The following CDK16 variants were observed in gnomAD, a reference collection of about 807,000 sequenced individuals.
CDK16 encodes cyclin-dependent kinase 16.
In CDK16, 2 loss-of-function variants were observed where a neutral mutation model predicts 41.6. The observed-to-expected ratio is 0.05, with a 90% CI of 0.02 to 0.15. The LOEUF is 0.15. Among genes scored for constraint, CDK16 ranks in the 10% least tolerant of loss-of-function variants. The probability of loss-of-function intolerance (pLI) is 1.00; values close to 1 mark genes in which losing one functional copy is unlikely to be tolerated. For synonymous variants in CDK16, 169 were observed against 169.7 expected, an observed-to-expected ratio of 1.00 and a Z score of 0.03; for missense variants, 228 against 428.9, an observed-to-expected ratio of 0.53 and a Z score of 4.14.
At position 47,223,646 on chromosome X, in the gene CDK16, A is replaced by T. The variant is rs745553260; in HGVS notation, c.89A>T (p.Gln30Leu). The change falls in exon 2 of 16, where the codon CAG becomes CTG. Residue 30 changes from glutamine (Q) to leucine (L), a missense_variant. Gln to Leu is a moderately radical substitution (Grantham distance 113). This residue lies in a region of CDK16 where 71 missense variants were observed against 102.2 expected (regional missense o/e 0.69). Coordinates refer to ENST00000357227, the MANE Select transcript of CDK16 (RefSeq NM_006201.5). ...GACAAGACCAATGGTGCCCCTGAGC[A>T]GATAGGCCTGGATGAGAGTGGTGGT... is the stretch of plus-strand genomic sequence containing the variant. ...GIDKTNGAPE[Q>L]IGLDESGGGG... is the part of the protein sequence containing the mutation. The T allele has an allele frequency of 8.3e-7, 1 of 1,209,649 alleles. No individual in the cohort carries two copies. Among genetic ancestry groups the T allele is most frequent in the African/African-American group, 1.8e-5 (1 of 57,075 alleles).
chrX:47,225,938 T>C, intron 7 of CDK16, 27 bp from the exon 8 acceptor site: 1 of 1,203,459 alleles, frequency 8.3e-7, no homozygotes, highest in Non-Finnish European at 1.1e-6. Context: ...GTAACCCTCA[T>C]TCCTGTACCA....
At chrX:47,219,226 A>T (rs191041861) in intron 1 of CDK16, 121 bp downstream of exon 1, 7 of 675,432 alleles carry the variant, frequency 1.0e-5, no homozygotes, top group Non-Finnish European at 1.2e-5. Context: ...ATTTCCCAGA[A>T]TGCACCGGGG....
At chrX:47,225,746 CT>C (rs781762524) in intron 6 of CDK16, 25 bp from the exon 7 acceptor site, 46 of 1,126,922 alleles carry the variant, frequency 4.1e-5, no homozygotes, top group East Asian at 3.0e-5. Context: ...GACTCTTCCC[CT>C]GTCCCACTCC....
Position 47,226,841 on chromosome X carries a change from C to T in CDK16, c.1067C>T (p.Ala356Val), listed in dbSNP as rs1216332212. The T allele has an allele frequency of 8.3e-7, 1 of 1,207,739 alleles. No homozygotes were observed. The highest frequency in any genetic ancestry group is 1.7e-5 in the African/African-American group (1 of 57,446). Reference sequence around the variant, plus strand: ...GTGGGCTGCATCTTCTATGAGATGGCCACAGGCCGTCCCCTCTTTCCGGGC... The same window carrying T: ...GTGGGCTGCATCTTCTATGAGATGGTCACAGGCCGTCCCCTCTTTCCGGGC... ...WGVGCIFYEMATGRPLFPGST... is the reference protein window; with the variant it reads ...WGVGCIFYEMVTGRPLFPGST... The change falls in exon 11 of 16, where the codon GCC (alanine) becomes GTC (valine). Residue 356 changes from alanine to valine, a missense_variant. Physicochemically the swap from Ala to Val is moderately conservative, Grantham distance 64. Coordinates refer to ENST00000357227, the MANE Select transcript of CDK16 (RefSeq NM_006201.5).
Position 47,227,265 on chromosome X carries a change from A to G in CDK16, c.1284+42A>G, listed in dbSNP as rs761910432. On this transcript the variant is annotated intron_variant, in intron 13 of 15. Transcript: ENST00000357227. ...TCAGCCTTGGGGGTATGGGATTCCA[A>G]GTGTGGGGAAACAGGGACCCCCCCC... 7 of 1,145,529 alleles carry G rather than the reference A, an allele frequency of 6.1e-6. No homozygotes were observed. The African/African-American group carries it at 1.3e-4, about 21-fold the overall frequency. 94.4% of individuals were successfully genotyped at this position (1,145,529 alleles called of 1,213,427 possible). A position where few individuals can be genotyped will look rare whatever the true frequency, so the allele number is the denominator to read the frequency against.
chrX:47,219,637 TGGTG>T (rs1296313431), intron 1 of CDK16, among the ~76,000 whole-genome samples: 2 of 110,303 alleles, frequency 1.8e-5, no homozygotes, highest in African/African-American at 6.6e-5. Flanking sequence ...GAACGTGTGT[TGGTG>T]GGGTCAGGGC....
In CDK16 at chrX:47,225,947, C is replaced by T. The variant is rs760043890; in HGVS notation, c.730-18C>T. ...TAGGAAGTAACCCTCATTCCTGTAC[C>T]ACCTCTTCTTTCCTCAGGACAAGGA... On this transcript the variant is annotated intron_variant, in intron 7 of 15. Coordinates refer to ENST00000357227, the MANE Select transcript of CDK16 (RefSeq NM_006201.5). 4.2e-6 allele frequency: 5 copies of T among 1,201,807 alleles called. No homozygotes were observed. The South Asian group carries it at 5.4e-5, about 13-fold the overall frequency.
intron 1 of CDK16, among the ~76,000 whole-genome samples, chrX:47,221,386 G>C (rs190522811): frequency 8.9e-6 from 1 of 112,116 alleles, no homozygotes; most frequent in East Asian, 2.8e-4. Flanking sequence ...TCTGTTCACA[G>C]GGGCATGTCT....
Position 47,225,657 on chromosome X carries a change from C to A in CDK16, c.635-115C>A. The A allele has an allele frequency of 5.6e-6, 3 of 533,284 alleles. No individual in the cohort carries two copies. In the East Asian group the frequency reaches 1.1e-4, roughly 19 times the overall value. The allele number at this position is 533,284 out of a possible 1,213,427, so 43.9% of individuals were successfully genotyped here. The stretch of plus-strand genomic sequence containing the variant: ...GGTGGCTCCGAGGCATTACCCTGAA[C>A]TGTCTAGAGAAAGAAAGAAAACCTG... On this transcript the variant is annotated intron_variant, in intron 6 of 15. Transcript: ENST00000357227.
chrX:47,219,040 G>T lies in CDK16; in HGVS notation c.-72G>T. 3.6e-6 allele frequency: 3 copies of T among 828,442 alleles called. No homozygotes were observed. The highest frequency in any genetic ancestry group is 3.9e-5 in the South Asian group (1 of 25,782). The allele number at this position is 828,442 out of a possible 1,213,427, so 68.3% of individuals were successfully genotyped here. ...GAAGGAGGTCGCGCGGCCTCATCCC[G>T]GGCCGCCGCCCCAGGCGCCGCCGCG... On this transcript the variant is annotated 5_prime_UTR_variant, in exon 1 of 16. Transcript: ENST00000357227.
chrX:47,228,509 G>A, intron 14 of CDK16, 58 bp from the exon 15 acceptor site: 1 of 1,000,369 alleles, frequency 1.0e-6, no homozygotes, highest in South Asian at 1.9e-5. Context: ...GTCATATGGG[G>A]CTGGTCCTAG....
rs996034482 is a variant in CDK16 at position 47,228,695 on chromosome X, C to A, written c.1454-36C>A. The A allele has an allele frequency of 4.1e-6, 5 of 1,206,988 alleles. No homozygotes were observed. In the African/African-American group the frequency reaches 8.8e-5, roughly 21 times the overall value. On this transcript the variant is annotated intron_variant, in intron 15 of 15. Transcript: ENST00000357227. ...CCTGCCCCACCCACCTACCTGCTTA[C>A]CCACCAACAGCCATCTGCTCTGCTT...
intron 13 of CDK16, 74 bp from the exon 14 acceptor site, chrX:47,227,305 A>G: frequency 5.6e-6 from 6 of 1,077,295 alleles, no homozygotes; most frequent in Non-Finnish European, 6.4e-6. Flanking sequence ...AACCAGGGGC[A>G]GGGTCTGAGG....
At position 47,225,685 on chromosome X, in the gene CDK16, C is replaced by G. The variant is rs1937530545; in HGVS notation, c.635-87C>G. 3.0e-5 allele frequency: 21 copies of G among 688,662 alleles called. No individual in the cohort carries two copies. In the South Asian group the frequency reaches 4.4e-4, roughly 15 times the overall value. 56.8% of individuals were successfully genotyped at this position (688,662 alleles called of 1,213,427 possible). On this transcript the variant is annotated intron_variant, in intron 6 of 15. Transcript: ENST00000357227. ...TCTAGAGAAAGAAAGAAAACCTGGG[C>G]TTGTCCCTTTCTAGTCCTTGTCCTC...
chrX:47,226,062 G>GC (rs1937538405), intron 8 of CDK16, 35 bp downstream of exon 8: 2 of 1,168,718 alleles, frequency 1.7e-6, no homozygotes, highest in Non-Finnish European at 2.3e-6. Flanking sequence ...GCACAAGGGG[G>GC]CCCCCACTCA....
chrX:47,221,117 C>T (rs776359652), intron 1 of CDK16, among the ~76,000 whole-genome samples: 1 of 110,563 alleles, frequency 9.0e-6, no homozygotes, highest in Non-Finnish European at 1.9e-5. Context: ...GAGGGTCTAG[C>T]GTGTATTAAT....
intron 1 of CDK16, among the ~76,000 whole-genome samples, chrX:47,221,331 G>A (rs1005769597): frequency 5.4e-5 from 6 of 111,830 alleles, no homozygotes; most frequent in African/African-American, 2.0e-4. Context: ...TCATTCAACT[G>A]AAATGATATT....
chrX:47,227,985 T>A (rs1298664994), intron 14 of CDK16: 1 of 114,719 alleles, frequency 8.7e-6, no homozygotes, highest in Non-Finnish European at 1.8e-5. Context: ...TCTTTTTATA[T>A]CTGGCTTTTA....
chrX:47,219,145 T>A, intron 1 of CDK16, 40 bp downstream of exon 1: 1 of 787,422 alleles, frequency 1.3e-6, no homozygotes, highest in Non-Finnish European at 1.5e-6. Context: ...CCCCTCCTCC[T>A]TCAGAACCCA....
Sources: allele counts gnomAD v4.1 joint callset (sites outside exome capture counted in the v4.1 genomes callset), GRCh38; gene constraint gnomAD v4.1.1; regional missense constraint gnomAD v4.1.1; transcripts MANE v1.5; gene names NCBI Gene and HGNC (gene_info 2026-07-23, HGNC 2026-07-21).